ANKS1B: variants seen among roughly 807,000 people sequenced by gnomAD.
ANKS1B encodes ankyrin repeat and sterile alpha motif domain containing 1B, also known as ankyrin repeat and sterile alpha motif domain-containing protein 1B.
A neutral mutation model predicts 148.3 loss-of-function variants in ANKS1B; 36 were observed. The observed-to-expected ratio is 0.24, with a 90% confidence interval of 0.19 to 0.32. The LOEUF is 0.32. ANKS1B is among the 10% of genes least tolerant of loss of function. The pLI is 1.00. For missense variants in ANKS1B, 1,157 were observed against 1,542.6 expected (o/e 0.75, Z 4.19); for synonymous variants, 542 against 560.8 (o/e 0.97, Z 0.47).
intron 17 of ANKS1B, among the ~76,000 whole-genome samples, chr12:99,019,259 A>G (rs1370895047): frequency 6.6e-6 from 1 of 152,224 alleles, no homozygotes; most frequent in Non-Finnish European, 1.5e-5. Context: ...TATATTTAAA[A>G]TATAAGGACG....
intron 9 of ANKS1B, among the ~76,000 whole-genome samples, chr12:99,632,363 C>G (rs1194956236): frequency 2.6e-5 from 4 of 152,020 alleles, no homozygotes; most frequent in African/African-American, 9.7e-5. Context: ...CAGACAGCCC[C>G]TGCTAGAGCA....
At chr12:98,909,020 T>C (rs1355445938) in intron 17 of ANKS1B, among the ~76,000 whole-genome samples, 1 of 152,126 alleles carries the variant, frequency 6.6e-6, no homozygotes, top group Non-Finnish European at 1.5e-5. Context: ...GGCATTGAAA[T>C]TCACATCCAC....
intron 10 of ANKS1B, among the ~76,000 whole-genome samples, chr12:99,500,654 G>A (rs2096646285): frequency 6.6e-6 from 1 of 152,102 alleles, no homozygotes; most frequent in African/African-American, 2.4e-5. Flanking sequence ...TCTTCCTCAA[G>A]CTCCAGGTAA....
chr12:98,964,681 T>A (rs749658371), intron 17 of ANKS1B, among the ~76,000 whole-genome samples: 3 of 152,246 alleles, frequency 2.0e-5, no homozygotes, highest in Non-Finnish European at 4.4e-5. Flanking sequence ...GAGGTCATTA[T>A]GTTAAGTGAA....
At chr12:99,907,812 TAAAAAAAAAAAAAAAAAA>T (rs751468199) in intron 1 of ANKS1B, among the ~76,000 whole-genome samples, 1 of 100,158 alleles carries the variant, frequency 1.0e-5, no homozygotes, top group Non-Finnish European at 1.9e-5. Context: ...GAGAAATTCT[TAAAAAAAAAAAAAAAAAA>T]AAAAAAAACT....
At chr12:99,794,785 T>C (rs2066049280) in intron 4 of ANKS1B, among the ~76,000 whole-genome samples, 2 of 151,872 alleles carry the variant, frequency 1.3e-5, no homozygotes, top group South Asian at 2.1e-4. Context: ...TAGTATTTGA[T>C]AGCACAACAG....
At chr12:99,514,191 T>C (rs1011886074) in intron 9 of ANKS1B, among the ~76,000 whole-genome samples, 3 of 152,196 alleles carry the variant, frequency 2.0e-5, no homozygotes, top group Middle Eastern at 3.4e-3. Flanking sequence ...CAAAATTCCA[T>C]GTTCATAGTA....
chr12:98,948,845 C>G (rs1002744293), intron 17 of ANKS1B, among the ~76,000 whole-genome samples: 2 of 149,708 alleles, frequency 1.3e-5, no homozygotes, highest in African/African-American at 5.0e-5. Flanking sequence ...TAGTAACTCT[C>G]AAATAGTAAG....
At chr12:98,878,421 A>C (rs1386956735) in intron 17 of ANKS1B, among the ~76,000 whole-genome samples, 2 of 150,580 alleles carry the variant, frequency 1.3e-5, no homozygotes, top group Non-Finnish European at 3.0e-5. Flanking sequence ...CCATTGCCTA[A>C]ACTCTGAAAA....
chr12:99,025,072 C>G (rs1287630368), intron 17 of ANKS1B, among the ~76,000 whole-genome samples: 2 of 152,086 alleles, frequency 1.3e-5, no homozygotes, highest in East Asian at 1.9e-4. Context: ...TGTGGTACCC[C>G]CCTCTCTAGA....
At chr12:99,702,822 G>A (rs1326061464) in intron 8 of ANKS1B, among the ~76,000 whole-genome samples, 1 of 149,548 alleles carries the variant, frequency 6.7e-6, no homozygotes, top group Non-Finnish European at 1.5e-5. Flanking sequence ...TGTGCTTTGG[G>A]GTTATTACTC....
chr12:99,626,760 A>G (rs542596714), intron 9 of ANKS1B, among the ~76,000 whole-genome samples: 76 of 152,288 alleles, frequency 5.0e-4, no homozygotes, highest in African/African-American at 1.7e-3. Flanking sequence ...AAGGAGCAAG[A>G]TATCAGGAAA....
Position 99,419,440 on chromosome 12 carries a change from T to C in ANKS1B, c.1576-19629A>G, listed in dbSNP as rs541590125. ...ATCCTTTTGATGTCTTCAGGGTCTG[T>C]AGTGACATCCCTATTTTATTCCTGA... On this transcript the variant is annotated intron_variant, in intron 11 of 26. Coordinates refer to ENST00000683438, the MANE Select transcript of ANKS1B (RefSeq NM_001352186.2). 2.6e-5 allele frequency among the ~76,000 whole-genome samples: 4 copies of C among 152,340 alleles called. No individual in the cohort carries two copies. In the South Asian group the frequency reaches 8.3e-4, roughly 32 times the overall value.
intron 9 of ANKS1B, among the ~76,000 whole-genome samples, chr12:99,607,855 T>A (rs543261456): frequency 6.6e-6 from 1 of 152,230 alleles, no homozygotes; most frequent in South Asian, 2.1e-4. Flanking sequence ...AGTTTTTTCA[T>A]GTAGTTTGAG....
Position 98,745,083 on chromosome 12 carries a change from T to C in ANKS1B, c.*656A>G. 5 of 985,888 alleles carry C rather than the reference T, an allele frequency of 5.1e-6. No individual in the cohort carries two copies. The highest frequency in any genetic ancestry group is 6.0e-6 in the Non-Finnish European group (5 of 829,916). 61.1% of individuals were successfully genotyped at this position (985,888 alleles called of 1,614,324 possible). A position where few individuals can be genotyped will look rare whatever the true frequency, so the allele number is the denominator to read the frequency against. On this transcript the variant is annotated 3_prime_UTR_variant, in exon 27 of 27. Transcript: ENST00000683438. ...ACACATTTTGCTGTGCATAATAAAT[T>C]CCTCTGCTTTGAATCATTCTTTCCT...
At chr12:99,170,946 G>T (rs1234323219) in intron 14 of ANKS1B, among the ~76,000 whole-genome samples, 1 of 152,144 alleles carries the variant, frequency 6.6e-6, no homozygotes, top group African/African-American at 2.4e-5. Context: ...TTAAATAAAG[G>T]TTGGTTATTT....
chr12:99,869,021 C>T (rs2091129786), intron 1 of ANKS1B, among the ~76,000 whole-genome samples: 2 of 152,024 alleles, frequency 1.3e-5, no homozygotes, highest in South Asian at 4.2e-4. Flanking sequence ...TGCGCCACTG[C>T]AATCCAGCCT....
intron 8 of ANKS1B, among the ~76,000 whole-genome samples, chr12:99,760,344 G>T (rs2061968620): frequency 6.6e-6 from 1 of 151,644 alleles, no homozygotes; most frequent in Non-Finnish European, 1.5e-5. Context: ...CATATTTTTG[G>T]ACCACAGTGG....
At chr12:99,476,616 T>C (rs1472552537) in intron 10 of ANKS1B, among the ~76,000 whole-genome samples, 3 of 152,196 alleles carry the variant, frequency 2.0e-5, no homozygotes, top group South Asian at 2.1e-4. Flanking sequence ...CTTGAACTAA[T>C]AGTAGCTGAG....
Sources: allele counts gnomAD v4.1 joint callset (sites outside exome capture counted in the v4.1 genomes callset), GRCh38; gene constraint gnomAD v4.1.1; transcripts MANE v1.5; gene names NCBI Gene and HGNC (gene_info 2026-07-23, HGNC 2026-07-21).